Variants in ARID4B observed in about 807,000 individuals in gnomAD.
ARID4B encodes AT-rich interaction domain 4B.
Under a neutral mutation model 147.5 loss-of-function variants are expected in ARID4B, and 26 were observed. The ratio of observed to expected loss-of-function variants is 0.18; its 90% CI spans 0.13 to 0.24. ARID4B has a LOEUF of 0.24. ARID4B is among the 10% of genes least tolerant of loss of function. The pLI is 1.00. For missense variants in ARID4B, 1,179 were observed against 1,511.5 expected (o/e 0.78, Z 3.65); for synonymous variants, 512 against 507.9 (o/e 1.01, Z -0.11).
intron 5 of ARID4B, among the ~76,000 whole-genome samples, chr1:235,255,236 T>G (rs1169440580): frequency 7.1e-4 from 63 of 88,732 alleles, no homozygotes; most frequent in African/African-American, 8.6e-4. Flanking sequence ...GATAGATAGA[T>G]AGATAGATAG....
At chr1:235,327,122 C>T (rs1272697739) in intron 1 of ARID4B, 154 bp from the exon 2 acceptor site, 3 of 591,966 alleles carry the variant, frequency 5.1e-6, no homozygotes, top group Non-Finnish European at 9.1e-6. Flanking sequence ...CTCGGGGCTC[C>T]CTCCGGCCCC....
intron 19 of ARID4B, among the ~76,000 whole-genome samples, chr1:235,185,367 ATC>A (rs1156440070): frequency 2.6e-5 from 4 of 152,042 alleles, no homozygotes; most frequent in Admixed American, 1.3e-4. Context: ...CTTCCTTTGT[ATC>A]TCTTTTACAT....
At chr1:235,169,613 G>GC (rs906947236) in intron 23 of ARID4B, among the ~76,000 whole-genome samples, 57 of 150,602 alleles carry the variant, frequency 3.8e-4, no homozygotes, top group African/African-American at 1.3e-3. Context: ...TCGGCTCACT[G>GC]CAAGCTCCGC....
At chr1:235,238,153 A>AAAAAAGAAAAG (rs61179792) in intron 8 of ARID4B, among the ~76,000 whole-genome samples, 6 of 141,814 alleles carry the variant, frequency 4.2e-5, no homozygotes, top group African/African-American at 1.1e-4. Flanking sequence ...CAAAAAAAAA[A>AAAAAAGAAAAG]AAAAGAAAAG....
At chr1:235,303,038 C>G (rs1673295545) in intron 2 of ARID4B, among the ~76,000 whole-genome samples, 1 of 152,072 alleles carries the variant, frequency 6.6e-6, no homozygotes, top group South Asian at 2.1e-4. Context: ...ATTCTCCTGC[C>G]TCAGCCTCTC....
intron 7 of ARID4B, among the ~76,000 whole-genome samples, chr1:235,241,667 T>C (rs1429633446): frequency 6.6e-6 from 1 of 151,928 alleles, no homozygotes; most frequent in Non-Finnish European, 1.5e-5. Flanking sequence ...TACAGGTGCC[T>C]GCCACCACGC....
chr1:235,273,943 G>A (rs537119039), intron 2 of ARID4B, among the ~76,000 whole-genome samples: 3 of 152,236 alleles, frequency 2.0e-5, no homozygotes, highest in African/African-American at 4.8e-5. Flanking sequence ...CTCCATCTCC[G>A]TTGTTTTATA....
At chr1:235,169,530 C>T (rs922224221) in intron 23 of ARID4B, among the ~76,000 whole-genome samples, 1 of 147,456 alleles carries the variant, frequency 6.8e-6, no homozygotes, top group African/African-American at 2.5e-5. Flanking sequence ...TGTGAGCCAC[C>T]GCGCCCAGCC....
At chr1:235,308,367 A>G (rs914972146) in intron 2 of ARID4B, among the ~76,000 whole-genome samples, 2 of 151,728 alleles carry the variant, frequency 1.3e-5, no homozygotes, top group African/African-American at 4.8e-5. Context: ...TTGGCCTCCC[A>G]AAGTGCTGGG....
rs1301055624 is a variant in ARID4B at position 235,270,928 on chromosome 1, T to C, written c.7-10176A>G. Among the ~76,000 whole-genome samples, 3 of 152,316 alleles carry C rather than the reference T, an allele frequency of 2.0e-5. No individual in the cohort carries two copies. The East Asian group carries it at 5.8e-4, about 29-fold the overall frequency. ...ACAGAAACAGAAACTGGCATTGTTA[T>C]GGTTTAATGTATCTGGGCATGTTAG... On this transcript the variant is annotated intron_variant, in intron 2 of 23. Transcript: ENST00000264183.
intron 2 of ARID4B, among the ~76,000 whole-genome samples, chr1:235,279,698 T>C (rs1163248384): frequency 6.6e-6 from 1 of 152,168 alleles, no homozygotes; most frequent in East Asian, 1.9e-4. Flanking sequence ...TTAGGGAGGG[T>C]TCCTACCACC....
intron 2 of ARID4B, among the ~76,000 whole-genome samples, chr1:235,308,083 ATTTTTTT>A (rs368457519): frequency 9.7e-4 from 100 of 102,768 alleles, no homozygotes; most frequent in Middle Eastern, 8.3e-3. Flanking sequence ...ATTTCTTCTA[ATTTTTTT>A]TTTTTTTTTT....
At chr1:235,241,231 A>C (rs1162753306) in intron 7 of ARID4B, among the ~76,000 whole-genome samples, 1 of 152,190 alleles carries the variant, frequency 6.6e-6, no homozygotes, top group Non-Finnish European at 1.5e-5. Flanking sequence ...ATGAGTAAAG[A>C]CTAGGAAATG....
At chr1:235,193,895 G>T in intron 19 of ARID4B, 118 bp downstream of exon 19, 1 of 695,586 alleles carries the variant, frequency 1.4e-6, no homozygotes, top group Non-Finnish European at 2.3e-6. Flanking sequence ...TAATAAGAGA[G>T]CAAACAAAAC....
Position 235,219,776 on chromosome 1 carries a change from A to G in ARID4B, c.1583+17T>C, listed in dbSNP as rs369398028. 5.7e-6 allele frequency: 9 copies of G among 1,580,368 alleles called. No homozygotes were observed. The highest frequency in any genetic ancestry group is 2.7e-5 in the African/African-American group (2 of 72,820). ...CATCAAGCTGAAATGCATCGTAACC[A>G]AAAACAATTTTCTTACCCAGATTTT... On this transcript the variant is annotated intron_variant, in intron 16 of 23. Coordinates refer to ENST00000264183, the MANE Select transcript of ARID4B (RefSeq NM_016374.6).
intron 2 of ARID4B, among the ~76,000 whole-genome samples, chr1:235,264,556 A>G: frequency 6.6e-6 from 1 of 152,228 alleles, no homozygotes; most frequent in Admixed American, 6.5e-5. Context: ...TTTGTAGGCT[A>G]CTGAACCTCT....
chr1:235,231,926 G>A (rs1458568947), intron 9 of ARID4B, among the ~76,000 whole-genome samples: 12 of 152,176 alleles, frequency 7.9e-5, no homozygotes, highest in African/African-American at 2.9e-4. Context: ...AGGTAATATA[G>A]CGAGACCCAG....
chr1:235,266,486 C>G (rs921161454), intron 2 of ARID4B, among the ~76,000 whole-genome samples: 1 of 152,126 alleles, frequency 6.6e-6, no homozygotes, highest in Non-Finnish European at 1.5e-5. Context: ...GCAAACAGAA[C>G]AGTTTTCTGG....
chr1:235,221,884 C>CTTTTTTTT (rs1370136402), intron 13 of ARID4B, among the ~76,000 whole-genome samples: 3 of 78,552 alleles, frequency 3.8e-5, no homozygotes, highest in Non-Finnish European at 4.9e-5. Flanking sequence ...AGTCATTTGA[C>CTTTTTTTT]TATTTTTTTT....
Sources: allele counts gnomAD v4.1 joint callset (sites outside exome capture counted in the v4.1 genomes callset), GRCh38; gene constraint gnomAD v4.1.1; transcripts MANE v1.5; gene names NCBI Gene and HGNC (gene_info 2026-07-23, HGNC 2026-07-21).